CHRDL1: variants seen among roughly 807,000 people sequenced by gnomAD.
CHRDL1 encodes chordin-like protein 1.
In CHRDL1, 19 loss-of-function variants were observed where a neutral mutation model predicts 40.9. The observed-to-expected ratio is 0.46, with a 90% CI of 0.32 to 0.68. The LOEUF (loss-of-function observed/expected upper bound fraction) is 0.68. Ranked by LOEUF, CHRDL1 falls within the 30% of genes least tolerant of loss-of-function variation. CHRDL1 has a pLI of 0.03. For synonymous variants in CHRDL1, 136 were observed against 123.4 expected (o/e 1.10, Z -0.68); for missense variants, 329 against 352.1 (o/e 0.93, Z 0.53).
chrX:110,742,369 C>T (rs761454385), intron 4 of CHRDL1, among the ~76,000 whole-genome samples: 2 of 112,446 alleles, frequency 1.8e-5, no homozygotes, highest in South Asian at 7.5e-4. Flanking sequence ...TGAGCACCTG[C>T]ACAGGCCAGG....
At chrX:110,751,481 T>A (rs978688492) in intron 4 of CHRDL1, among the ~76,000 whole-genome samples, 2 of 112,073 alleles carry the variant, frequency 1.8e-5, no homozygotes, top group African/African-American at 6.5e-5. Context: ...TACTAATGTA[T>A]CAAGGCTCTG....
intron 6 of CHRDL1, among the ~76,000 whole-genome samples, chrX:110,707,345 G>C (rs907720637): frequency 1.8e-5 from 2 of 111,708 alleles, no homozygotes. Flanking sequence ...ACAATCCTAA[G>C]CAAAAGGAAC....
At chrX:110,736,989 C>T (rs1197733107) in intron 4 of CHRDL1, among the ~76,000 whole-genome samples, 1 of 111,864 alleles carries the variant, frequency 8.9e-6, no homozygotes, top group East Asian at 2.8e-4. Context: ...TGGAGCTATA[C>T]TACATTGTTC....
chrX:110,726,122 C>T (rs553271620), intron 4 of CHRDL1, among the ~76,000 whole-genome samples: 3 of 110,777 alleles, frequency 2.7e-5, no homozygotes, highest in African/African-American at 9.9e-5. Context: ...TTTCTATGTG[C>T]GTATCTCACA....
At chrX:110,793,507 GT>G (rs987920872) in intron 1 of CHRDL1, among the ~76,000 whole-genome samples, 3 of 111,609 alleles carry the variant, frequency 2.7e-5, no homozygotes, top group African/African-American at 9.8e-5. Flanking sequence ...TGATGTCTTG[GT>G]CCCCTCTGTG....
chrX:110,676,845 C>A (rs2069787652), intron 11 of CHRDL1, among the ~76,000 whole-genome samples: 9 of 110,887 alleles, frequency 8.1e-5, no homozygotes, highest in Admixed American at 5.8e-4. Context: ...ATATATCACT[C>A]TTTCCTCTAT....
At chrX:110,760,513 T>C (rs1235973681) in intron 3 of CHRDL1, among the ~76,000 whole-genome samples, 1 of 112,260 alleles carries the variant, frequency 8.9e-6, no homozygotes, top group Non-Finnish European at 1.9e-5. Flanking sequence ...GAAGAGGATA[T>C]AGAAATAGAA....
chrX:110,700,156 G>A (rs2070483229), intron 7 of CHRDL1, among the ~76,000 whole-genome samples: 1 of 111,970 alleles, frequency 8.9e-6, no homozygotes, highest in Admixed American at 9.5e-5. Flanking sequence ...AGAACAGAAG[G>A]GAGACATCAC....
chrX:110,734,261 C>T (rs767354383), intron 4 of CHRDL1, among the ~76,000 whole-genome samples: 11 of 111,852 alleles, frequency 9.8e-5, no homozygotes, highest in Non-Finnish European at 1.9e-4. Flanking sequence ...GATTTCACTT[C>T]AGCAGTATGA....
chrX:110,689,093 T>TATATATATATATATAAAAATATATATAA (rs2070097444), intron 8 of CHRDL1, among the ~76,000 whole-genome samples: 1 of 85,534 alleles, frequency 1.2e-5, no homozygotes, highest in African/African-American at 4.4e-5. Flanking sequence ...TATATATATA[T>TATATATATATATATAAAAATATATATAA]ATATATATAT....
intron 3 of CHRDL1, among the ~76,000 whole-genome samples, chrX:110,760,991 TTAATAA>T (rs1350132634): frequency 2.7e-5 from 3 of 111,158 alleles, no homozygotes; most frequent in Non-Finnish European, 5.7e-5. Context: ...AGCTAATAGA[TTAATAA>T]TAATAACGAT....
rs1417930607 is a variant in CHRDL1, at chrX:110,743,291, C to A, written c.301+16370G>T. ...TGCTCATGATGGCTGTTCAGCCTGA[C>A]CAATGCTGACTTTGGGTGGGGGCTT... On this transcript the variant is annotated intron_variant, in intron 4 of 11. Coordinates refer to ENST00000372042, the MANE Select transcript of CHRDL1 (RefSeq NM_001143981.2). 5.3e-5 allele frequency among the ~76,000 whole-genome samples: 6 copies of A among 112,566 alleles called. No individual in the cohort carries two copies. The Admixed American group carries it at 5.6e-4, about 11-fold the overall frequency.
chrX:110,789,827 T>C (rs776855481), intron 2 of CHRDL1, among the ~76,000 whole-genome samples: 64 of 112,158 alleles, frequency 5.7e-4, no homozygotes, highest in Non-Finnish European at 1.1e-3. Flanking sequence ...GAAGCTCAGA[T>C]GCTTTCATGT....
At chrX:110,790,727 A>C (rs1426261887) in intron 2 of CHRDL1, among the ~76,000 whole-genome samples, 1 of 109,801 alleles carries the variant, frequency 9.1e-6, no homozygotes, top group Non-Finnish European at 1.9e-5. Context: ...CTGAGAATGC[A>C]TGGATGCTTC....
chrX:110,781,063 T>C (rs2089934383), intron 2 of CHRDL1, among the ~76,000 whole-genome samples: 2 of 110,978 alleles, frequency 1.8e-5, no homozygotes, highest in African/African-American at 6.5e-5. Flanking sequence ...TTCAAGGACA[T>C]GGTAAGAAAT....
rs773104563 is a variant in CHRDL1 at position 110,708,990 on chromosome X, T to TA, written c.542-8270dup. 4.5e-5 allele frequency among the ~76,000 whole-genome samples: 5 copies of TA among 111,951 alleles called. No homozygotes were observed. In the East Asian group the frequency reaches 1.4e-3, roughly 31 times the overall value. Reference sequence around the variant, plus strand: ...TGCTTCCCCAAGTTGAGAGGCAGTATAATATAATGGCTAAGAGAACAGATT... The same window carrying TA: ...TGCTTCCCCAAGTTGAGAGGCAGTATAAATATAATGGCTAAGAGAACAGATT... On this transcript the variant is annotated intron_variant, in intron 6 of 11. Coordinates refer to ENST00000372042, the MANE Select transcript of CHRDL1 (RefSeq NM_001143981.2).
intron 7 of CHRDL1, among the ~76,000 whole-genome samples, chrX:110,696,872 G>A (rs2148435994): frequency 9.0e-6 from 1 of 111,040 alleles, no homozygotes; most frequent in South Asian, 3.8e-4. Context: ...CTGTTTGGGG[G>A]CTGGAGTGGG....
intron 4 of CHRDL1, among the ~76,000 whole-genome samples, chrX:110,731,923 A>T (rs1208936350): frequency 9.1e-6 from 1 of 110,308 alleles, no homozygotes; most frequent in Non-Finnish European, 1.9e-5. Context: ...TACTAAAACC[A>T]ACTTTACAAC....
At chrX:110,704,172 G>A (rs1022863157) in intron 6 of CHRDL1, among the ~76,000 whole-genome samples, 1 of 110,992 alleles carries the variant, frequency 9.0e-6, no homozygotes, top group Non-Finnish European at 1.9e-5. Context: ...TGAGGGGATC[G>A]ATACCCTATT....
Sources: gnomAD v4.1 joint callset for allele counts (sites outside exome capture counted in the v4.1 genomes callset) on GRCh38, gnomAD v4.1.1 for gene constraint, MANE v1.5 for transcripts, NCBI Gene and HGNC (gene_info 2026-07-23, HGNC 2026-07-21) for gene names.